The following DNAH6 variants were observed in gnomAD, a reference collection of about 807,000 sequenced individuals.
The protein encoded by DNAH6 is dynein axonemal heavy chain 6, also known as axonemal beta dynein heavy chain 6.
A neutral mutation model predicts 491.4 loss-of-function variants in DNAH6; 340 were observed. That is an observed-to-expected ratio of 0.69 (90% CI 0.63 to 0.76). DNAH6 has a LOEUF of 0.76. Among genes scored for constraint, DNAH6 ranks in the 30% least tolerant of loss-of-function variants. DNAH6 has a pLI of 0.00. For synonymous variants in DNAH6, 1,603 were observed against 1,686.1 expected, an observed-to-expected ratio of 0.95 and a Z score of 1.21; for missense variants, 4,443 against 4,972.2, an observed-to-expected ratio of 0.89 and a Z score of 3.20.
At chr2:84,598,418 G>A (rs1684891929) in intron 18 of DNAH6, among the ~76,000 whole-genome samples, 1 of 152,070 alleles carries the variant, frequency 6.6e-6, no homozygotes, top group South Asian at 2.1e-4. Context: ...TCTGAGTTCT[G>A]TCTCATTTTG....
intron 1 of DNAH6, 131 bp downstream of exon 1, chr2:84,516,714 G>A (rs1442538582): frequency 6.6e-6 from 1 of 152,214 alleles, no homozygotes; most frequent in Non-Finnish European, 1.5e-5. Context: ...GTGATTGTCT[G>A]CTATCCGCCC....
In DNAH6 at chr2:84,686,501, G is replaced by A. The variant is rs1253285209; in HGVS notation, c.7081G>A (p.Ala2361Thr). The A allele has an allele frequency of 6.5e-7, 1 of 1,533,420 alleles. No individual in the cohort carries two copies. The highest frequency in any genetic ancestry group is 8.8e-7 in the Non-Finnish European group (1 of 1,133,798). The allele number at this position is 1,533,420 out of a possible 1,614,324, so 95.0% of individuals were successfully genotyped here. The change falls in exon 44 of 77, where the codon GCA becomes ACA. Residue 2361 changes from alanine (A) to threonine (T), a missense_variant. Physicochemically the swap from Ala to Thr is moderately conservative, Grantham distance 58. Around this residue, in one of 3 missense-constraint regions of DNAH6, gnomAD observed 2,977 missense variants for 3,296.6 expected, o/e 0.90. Coordinates refer to ENST00000389394, the MANE Select transcript of DNAH6 (RefSeq NM_001370.2). ...TEMANKHFGI[A>T]IDLEYFLNKP... ...TTAAATAGACAAACATTTTGGAATT[G>A]CAATTGACCTGGAATATTTTTTGAA...
At chr2:84,588,450 T>C (rs1392747960) in intron 15 of DNAH6, among the ~76,000 whole-genome samples, 1 of 152,246 alleles carries the variant, frequency 6.6e-6, no homozygotes, top group Non-Finnish European at 1.5e-5. Context: ...CAAAGGACTT[T>C]CCATTCCTTT....
intron 18 of DNAH6, among the ~76,000 whole-genome samples, chr2:84,598,819 C>A (rs554989895): frequency 2.0e-5 from 3 of 152,164 alleles, no homozygotes; most frequent in African/African-American, 7.2e-5. Flanking sequence ...ATCACGAGGT[C>A]AAGAGATCAA....
intron 19 of DNAH6, 82 bp downstream of exon 19, chr2:84,604,633 T>C: frequency 9.3e-7 from 1 of 1,070,178 alleles, no homozygotes; most frequent in Non-Finnish European, 1.3e-6. Context: ...ATCTGGATGT[T>C]TTTTTCAACG....
chr2:84,809,661 G>A (rs116715583), intron 72 of DNAH6, among the ~76,000 whole-genome samples: 10 of 152,254 alleles, frequency 6.6e-5, no homozygotes, highest in African/African-American at 2.4e-4. Context: ...TCCCCTAACA[G>A]CCCTGAGGGA....
At chr2:84,753,109 G>A (rs1479127006) in intron 63 of DNAH6, among the ~76,000 whole-genome samples, 1 of 152,116 alleles carries the variant, frequency 6.6e-6, no homozygotes, top group Non-Finnish European at 1.5e-5. Context: ...GTGTGAGATG[G>A]TACCTTATGA....
chr2:84,460,447 AT>A, the DNAH6 span, among the ~76,000 whole-genome samples: 1 of 152,266 alleles, frequency 6.6e-6, no homozygotes, highest in Non-Finnish European at 1.5e-5. Context: ...GCTATTTTAA[AT>A]AGCAAAATTA....
At chr2:84,716,578 C>G (rs1000457666) in intron 58 of DNAH6, among the ~76,000 whole-genome samples, 1 of 152,122 alleles carries the variant, frequency 6.6e-6, no homozygotes, top group Non-Finnish European at 1.5e-5. Flanking sequence ...AACTTGCTTA[C>G]CTTCCACTAG....
chr2:84,690,180 A>G (rs1694706348), intron 45 of DNAH6, among the ~76,000 whole-genome samples: 1 of 152,196 alleles, frequency 6.6e-6, no homozygotes, highest in South Asian at 2.1e-4. Context: ...TCCTGTGTCA[A>G]CTACATTTTA....
At chr2:84,726,452 C>T (rs967625562) in intron 60 of DNAH6, among the ~76,000 whole-genome samples, 3 of 152,176 alleles carry the variant, frequency 2.0e-5, no homozygotes, top group Non-Finnish European at 2.9e-5. Context: ...CTTCCTCACG[C>T]AGCTTGGGAC....
chr2:84,515,842 T>C (rs1395889970), upstream of DNAH6, among the ~76,000 whole-genome samples: 1 of 152,158 alleles, frequency 6.6e-6, no homozygotes, highest in Non-Finnish European at 1.5e-5. Context: ...CAGAATAAGA[T>C]CCAGGGTCTG....
intron 68 of DNAH6, among the ~76,000 whole-genome samples, chr2:84,792,393 A>G (rs753713559): frequency 1.3e-5 from 2 of 152,230 alleles, no homozygotes; most frequent in Non-Finnish European, 2.9e-5. Flanking sequence ...TCTAACCACA[A>G]TAAAAAAGTG....
Position 84,796,355 on chromosome 2 carries a change from C to G in DNAH6, c.11289C>G (p.Cys3763Trp). The G allele has an allele frequency of 1.3e-6, 2 of 1,526,366 alleles. No homozygotes were observed. Among genetic ancestry groups the G allele is most frequent in the East Asian group, 2.5e-5 (1 of 40,310 alleles). 94.6% of individuals were successfully genotyped at this position (1,526,366 alleles called of 1,614,324 possible). The change falls in exon 69 of 77, where the codon TGC becomes TGG. Residue 3763 changes from cysteine (C) to tryptophan (W), a missense_variant. Physicochemically the swap from Cys to Trp is radical, Grantham distance 215. Transcript: ENST00000389394. ...GRVTDSWDQR[C>W]LRTILKRFFS... is the part of the protein sequence containing the mutation. ...TCACAGACAGCTGGGACCAAAGATG[C>G]CTTCGTACTATCTTGAAAAGATTTT...
At chr2:84,789,508 G>A (rs1456479995) in intron 68 of DNAH6, among the ~76,000 whole-genome samples, 1 of 152,150 alleles carries the variant, frequency 6.6e-6, no homozygotes, top group Admixed American at 6.5e-5. Context: ...TGAAAGCAAA[G>A]TACAATCAAA....
At chr2:84,607,219 T>G in intron 21 of DNAH6, 124 bp downstream of exon 21, 1 of 984,918 alleles carries the variant, frequency 1.0e-6, no homozygotes, top group Non-Finnish European at 1.5e-6. Context: ...ATTGTGGACA[T>G]GTTATTGTGT....
chr2:84,570,525 C>G (rs1197340588), intron 11 of DNAH6, among the ~76,000 whole-genome samples: 1 of 152,202 alleles, frequency 6.6e-6, no homozygotes, highest in African/African-American at 2.4e-5. Context: ...AGGCACCAGT[C>G]AGCACTCTGT....
At chr2:84,466,780 G>T in the DNAH6 span, among the ~76,000 whole-genome samples, 1 of 152,270 alleles carries the variant, frequency 6.6e-6, no homozygotes, top group African/African-American at 2.4e-5. Context: ...TTAAAACAAG[G>T]TAACAATCAT....
At chr2:84,596,081 A>C (rs1173052547) in intron 18 of DNAH6, among the ~76,000 whole-genome samples, 1 of 152,172 alleles carries the variant, frequency 6.6e-6, no homozygotes, top group African/African-American at 2.4e-5. Context: ...GATGTGCTCA[A>C]ACCCTTAGGG....
Sources: gnomAD v4.1 joint callset for allele counts (sites outside exome capture counted in the v4.1 genomes callset) on GRCh38, gnomAD v4.1.1 for gene constraint, gnomAD v4.1.1 regional missense constraint, MANE v1.5 for transcripts, NCBI Gene and HGNC (gene_info 2026-07-23, HGNC 2026-07-21) for gene names.